The following LRRC7 variants were observed in gnomAD, a reference collection of about 807,000 sequenced individuals.
The protein encoded by LRRC7 is leucine-rich repeat-containing protein 7.
Under a neutral mutation model 175.7 loss-of-function variants are expected in LRRC7, and 23 were observed. The ratio of observed to expected loss-of-function variants is 0.13; its 90% CI spans 0.09 to 0.19. The LOEUF (loss-of-function observed/expected upper bound fraction) is 0.19, where lower values mean the gene tolerates loss of function less well. Among genes scored for constraint, LRRC7 ranks in the 10% least tolerant of loss-of-function variants. LRRC7 has a pLI of 1.00. For missense variants in LRRC7, 1,354 were observed against 1,904.7 expected (o/e 0.71, Z 5.38); for synonymous variants, 685 against 680.9 (o/e 1.01, Z -0.09).
intron 11 of LRRC7, among the ~76,000 whole-genome samples, chr1:69,997,294 T>G (rs1374841509): frequency 6.6e-6 from 1 of 152,188 alleles, no homozygotes; most frequent in South Asian, 2.1e-4. Flanking sequence ...CTGAAGGAGA[T>G]TTTGGGCTGA....
At chr1:69,683,814 C>A (rs1660790019) in intron 2 of LRRC7, among the ~76,000 whole-genome samples, 1 of 151,872 alleles carries the variant, frequency 6.6e-6, no homozygotes, top group South Asian at 2.1e-4. Flanking sequence ...ACATGAAGAT[C>A]AGAATTAAAA....
chr1:69,912,876 G>GT lies in LRRC7; in HGVS notation c.648-18623dup, dbSNP rs1004146516. ...TACAATTTTACAACTTAATCTTTCTGTTTTTTTTAACAAATATACCTTACT... is the reference window on the plus strand; with the variant it reads ...TACAATTTTACAACTTAATCTTTCTGTTTTTTTTTAACAAATATACCTTACT... On this transcript the variant is annotated intron_variant, in intron 7 of 26. Transcript: ENST00000651989. Among the ~76,000 whole-genome samples, 20 of 151,890 alleles carry GT rather than the reference G, an allele frequency of 1.3e-4. No homozygotes were observed. The East Asian group carries it at 1.4e-3, about 10-fold the overall frequency.
intron 1 of LRRC7, among the ~76,000 whole-genome samples, chr1:69,661,786 T>C (rs1657512299): frequency 6.6e-6 from 1 of 152,214 alleles, no homozygotes; most frequent in African/African-American, 2.4e-5. Context: ...ATGTATGGTA[T>C]ATATTTAGAC....
intron 4 of LRRC7, among the ~76,000 whole-genome samples, chr1:69,814,836 C>T (rs931233320): frequency 3.9e-5 from 6 of 152,136 alleles, no homozygotes; most frequent in Admixed American, 3.9e-4. Flanking sequence ...AAAAATGTTG[C>T]TGAGCATAAA....
intron 18 of LRRC7, among the ~76,000 whole-genome samples, chr1:70,029,554 C>T (rs1658485771): frequency 6.6e-6 from 1 of 152,078 alleles, no homozygotes; most frequent in South Asian, 2.1e-4. Flanking sequence ...TATCATTATA[C>T]TTTTTCCTTT....
intron 14 of LRRC7, 106 bp downstream of exon 14, chr1:70,016,640 T>C (rs1243987550): frequency 2.4e-6 from 2 of 833,830 alleles, no homozygotes; most frequent in Non-Finnish European, 3.4e-6. Flanking sequence ...CTACAAAATG[T>C]AGATTGTTTT....
chr1:70,028,680 A>G (rs1658384016), intron 18 of LRRC7, among the ~76,000 whole-genome samples: 1 of 152,060 alleles, frequency 6.6e-6, no homozygotes, highest in African/African-American at 2.4e-5. Context: ...GCTACCCCAA[A>G]CTTTTGTTGT....
intron 2 of LRRC7, among the ~76,000 whole-genome samples, chr1:69,692,240 G>A (rs545701517): frequency 1.3e-5 from 2 of 152,226 alleles, no homozygotes; most frequent in Non-Finnish European, 2.9e-5. Context: ...GGAAGGTACT[G>A]GGCTACTTAT....
At chr1:69,616,371 G>A (rs1251871388) in intron 1 of LRRC7, among the ~76,000 whole-genome samples, 1 of 151,892 alleles carries the variant, frequency 6.6e-6, no homozygotes, top group Non-Finnish European at 1.5e-5. Flanking sequence ...GTACTATACT[G>A]TACATAAATC....
intron 3 of LRRC7, among the ~76,000 whole-genome samples, chr1:69,781,420 G>A (rs1472098577): frequency 2.3e-4 from 35 of 151,772 alleles, no homozygotes; most frequent in Admixed American, 2.3e-3. Flanking sequence ...GGTGTCTCTT[G>A]CCTGTAATCC....
At chr1:69,815,139 G>A (rs997568101) in intron 4 of LRRC7, among the ~76,000 whole-genome samples, 4 of 152,064 alleles carry the variant, frequency 2.6e-5, no homozygotes, top group African/African-American at 4.8e-5. Context: ...CCTTTGCCTT[G>A]TGAAACCTCC....
intron 7 of LRRC7, among the ~76,000 whole-genome samples, chr1:69,852,242 C>A (rs1683068642): frequency 6.6e-6 from 1 of 151,994 alleles, no homozygotes; most frequent in South Asian, 2.1e-4. Context: ...AAGGGAAAAA[C>A]TACATATATC....
intron 7 of LRRC7, among the ~76,000 whole-genome samples, chr1:69,860,332 A>G (rs1684221903): frequency 6.6e-6 from 1 of 151,992 alleles, no homozygotes; most frequent in African/African-American, 2.4e-5. Flanking sequence ...CTCACAAAGT[A>G]TAATTATAAT....
intron 1 of LRRC7, among the ~76,000 whole-genome samples, chr1:69,583,324 G>A (rs1453505176): frequency 6.6e-6 from 1 of 151,850 alleles, no homozygotes; most frequent in Non-Finnish European, 1.5e-5. Context: ...AATAAATGGA[G>A]TCACTAAAAT....
At chr1:69,874,294 T>C (rs910725486) in intron 7 of LRRC7, 1 of 152,164 alleles carries the variant, frequency 6.6e-6, no homozygotes, top group African/African-American at 2.4e-5. Context: ...ACAATCGACA[T>C]AATGGGTTCA....
chr1:69,775,514 A>T (rs1449393008), intron 3 of LRRC7, among the ~76,000 whole-genome samples: 1 of 152,206 alleles, frequency 6.6e-6, no homozygotes, highest in Non-Finnish European at 1.5e-5. Flanking sequence ...TTAGAAAGTC[A>T]GGCCACTCTT....
In LRRC7 at chr1:69,930,871, A is replaced by C. The variant is rs1301902309; in HGVS notation, c.648-636A>C. Among the ~76,000 whole-genome samples, 1,232 of 152,286 alleles carry C rather than the reference A, an allele frequency of 8.1e-3. 13 individuals carry two copies. The highest frequency in any genetic ancestry group is 0.027 in the African/African-American group (1,128 of 41,562). ...CATGAGAATTCTCACTTTCATGAGA[A>C]CAGCATAGGAGAAACCACCCCCATG... On this transcript the variant is annotated intron_variant, in intron 7 of 26. Coordinates refer to ENST00000651989, the MANE Select transcript of LRRC7 (RefSeq NM_001370785.2).
chr1:69,809,901 A>G (rs1677616159), intron 4 of LRRC7, among the ~76,000 whole-genome samples: 1 of 152,204 alleles, frequency 6.6e-6, no homozygotes, highest in South Asian at 2.1e-4. Context: ...TATTCAACAT[A>G]GTATTGGAAG....
intron 11 of LRRC7, among the ~76,000 whole-genome samples, chr1:70,000,704 A>G (rs1480076350): frequency 6.6e-6 from 1 of 152,096 alleles, no homozygotes; most frequent in African/African-American, 2.4e-5. Flanking sequence ...AAGGCTGACT[A>G]CTTCACATCC....
Sources: allele counts gnomAD v4.1 joint callset (sites outside exome capture counted in the v4.1 genomes callset), GRCh38; gene constraint gnomAD v4.1.1; transcripts MANE v1.5; gene names NCBI Gene and HGNC (gene_info 2026-07-23, HGNC 2026-07-21).